Variants in GUCY2F observed in about 807,000 individuals in gnomAD.
GUCY2F encodes the protein retinal guanylyl cyclase 2.
GUCY2F carries 61 observed loss-of-function variants against 73.1 expected under a neutral mutation model. That is an observed-to-expected ratio of 0.83 (90% CI 0.68 to 1.03). GUCY2F has a LOEUF of 1.03. GUCY2F is among the 50% of genes least tolerant of loss of function. The pLI is 0.00. For missense variants in GUCY2F, 912 were observed against 854.3 expected, an observed-to-expected ratio of 1.07 and a Z score of -0.84; for synonymous variants, 331 against 307.8, an observed-to-expected ratio of 1.08 and a Z score of -0.79.
chrX:109,409,675 T>C (rs1331854216), intron 8 of GUCY2F, among the ~76,000 whole-genome samples: 1 of 111,292 alleles, frequency 9.0e-6, no homozygotes, highest in African/African-American at 3.3e-5. Flanking sequence ...AATTGAATCA[T>C]GGGGGCAGGT....
At chrX:109,451,517 T>C (rs996744871) in intron 5 of GUCY2F, among the ~76,000 whole-genome samples, 40 of 111,857 alleles carry the variant, frequency 3.6e-4, no homozygotes, top group African/African-American at 1.3e-3. Context: ...ATGAGTCACA[T>C]ATCGTTCTAG....
chrX:109,430,313 G>A lies in GUCY2F; in HGVS notation c.1785C>T (p.Phe595=), dbSNP rs1299126087. 16 of 1,030,229 alleles carry A rather than the reference G, an allele frequency of 1.6e-5. No homozygotes were observed. Among genetic ancestry groups the A allele is most frequent in the Middle Eastern group, 2.5e-4 (1 of 3,997 alleles). 84.9% of individuals were successfully genotyped at this position (1,030,229 alleles called of 1,213,427 possible). Reference sequence around the variant, plus strand: ...AAACGAAGATTTCTCATACCATTTCGAACACATCACTTGCTCTTGATTTGA... The same window carrying A: ...AAACGAAGATTTCTCATACCATTTCAAACACATCACTTGCTCTTGATTTGA... ...KSIKSRASDV[F]EMMKDLRHEN... is the part of the protein sequence containing the mutation. The change falls in exon 8 of 20, where the codon TTC becomes TTT. Residue 595 remains phenylalanine (F), a synonymous_variant. Transcript: ENST00000218006.
chrX:109,406,010 G>GC (rs1246465833), intron 9 of GUCY2F, among the ~76,000 whole-genome samples: 3 of 111,403 alleles, frequency 2.7e-5, no homozygotes, highest in Non-Finnish European at 5.6e-5. Flanking sequence ...CCCTTTCAAG[G>GC]CCCCTGAAAA....
In GUCY2F at chrX:109,393,146, A is replaced by G. The variant is rs370161001; in HGVS notation, c.2425-91T>C. 129 of 522,435 alleles carry G rather than the reference A, an allele frequency of 2.5e-4. 3 individuals are homozygous for G. Among genetic ancestry groups the G allele is most frequent in the East Asian group, 2.2e-3 (64 of 29,752 alleles). 43.1% of individuals were successfully genotyped at this position (522,435 alleles called of 1,213,427 possible). On this transcript the variant is annotated intron_variant, in intron 12 of 19. Coordinates refer to ENST00000218006, the MANE Select transcript of GUCY2F (RefSeq NM_001522.3). ...GGTCCCCTTATCACAAATCCATTCCACCAAAATGCCAGGGCAGGAAAGGTG... is the reference window on the plus strand; with the variant it reads ...GGTCCCCTTATCACAAATCCATTCCGCCAAAATGCCAGGGCAGGAAAGGTG...
chrX:109,385,245 G>A lies in GUCY2F; in HGVS notation c.2994C>T (p.Pro998=), dbSNP rs1257162869. The A allele has an allele frequency of 8.4e-7, 1 of 1,194,470 alleles. No individual in the cohort carries two copies. Among genetic ancestry groups the A allele is most frequent in the Non-Finnish European group, 1.1e-6 (1 of 881,285 alleles). The part of the protein sequence containing the change: ...VVAGVVGLTM[P]RYCLFGDTVN... Reference sequence around the variant, plus strand: ...CAGTGTCTCCAAACAAGCAGTATCTGGGCATGGTGAGGCCCACCACTCCAG... The same window carrying A: ...CAGTGTCTCCAAACAAGCAGTATCTAGGCATGGTGAGGCCCACCACTCCAG... Residue 998 remains proline (P), a synonymous_variant, in exon 16 of 20, where the codon CCC becomes CCT. Transcript: ENST00000218006.
intron 9 of GUCY2F, among the ~76,000 whole-genome samples, chrX:109,407,563 T>G (rs1931002820): frequency 8.9e-6 from 1 of 112,815 alleles, no homozygotes; most frequent in African/African-American, 3.2e-5. Flanking sequence ...CCAGGCCACA[T>G]CAGAGACCTT....
chrX:109,443,885 T>G (rs1284466210), intron 6 of GUCY2F, among the ~76,000 whole-genome samples: 1 of 112,542 alleles, frequency 8.9e-6, no homozygotes, highest in Non-Finnish European at 1.9e-5. Context: ...CATCTACTTT[T>G]ACTACTAAAC....
At chrX:109,469,453 T>C (rs1230930476) in intron 2 of GUCY2F, among the ~76,000 whole-genome samples, 1 of 110,710 alleles carries the variant, frequency 9.0e-6, no homozygotes, top group Non-Finnish European at 1.9e-5. Flanking sequence ...CCTTGCAAGA[T>C]GGAAATGATT....
chrX:109,480,353 G>C (rs1932757412), intron 1 of GUCY2F, among the ~76,000 whole-genome samples: 1 of 111,600 alleles, frequency 9.0e-6, no homozygotes, highest in African/African-American at 3.3e-5. Context: ...TCTCTCTTAA[G>C]GGCTGGGGAG....
chrX:109,424,160 C>T (rs1931431025), intron 8 of GUCY2F, among the ~76,000 whole-genome samples: 1 of 111,655 alleles, frequency 9.0e-6, no homozygotes, highest in African/African-American at 3.3e-5. Context: ...CCTTTAAAGC[C>T]ATAACTTACC....
At chrX:109,376,949 C>A (rs1014704450) in intron 17 of GUCY2F, among the ~76,000 whole-genome samples, 3 of 111,719 alleles carry the variant, frequency 2.7e-5, no homozygotes, top group African/African-American at 9.8e-5. Context: ...AATGTGTTTA[C>A]CAAGACTGAG....
intron 15 of GUCY2F, 52 bp from the exon 16 acceptor site, chrX:109,385,334 C>A: frequency 1.7e-6 from 1 of 602,654 alleles, no homozygotes; most frequent in Non-Finnish European, 2.7e-6. Flanking sequence ...GCACCCAATG[C>A]TAATAGAGGA....
intron 8 of GUCY2F, among the ~76,000 whole-genome samples, chrX:109,426,302 G>A (rs1273949454): frequency 8.9e-6 from 1 of 112,414 alleles, no homozygotes; most frequent in Non-Finnish European, 1.9e-5. Context: ...TGGAAGACCT[G>A]ATATAGTCAA....
intron 19 of GUCY2F, among the ~76,000 whole-genome samples, chrX:109,373,229 A>G (rs112308486): frequency 5.6e-4 from 63 of 112,398 alleles, no homozygotes; most frequent in African/African-American, 1.9e-3. Context: ...CAAAAAAGAG[A>G]GCATGTTAAT....
chrX:109,388,380 T>C lies in GUCY2F; in HGVS notation c.2956+109A>G, dbSNP rs998869747. 5 of 619,917 alleles carry C rather than the reference T, an allele frequency of 8.1e-6. No homozygotes were observed. The African/African-American group carries it at 9.0e-5, about 11-fold the overall frequency. The allele number at this position is 619,917 out of a possible 1,213,427, so 51.1% of individuals were successfully genotyped here. ...AAAGGAATTATGCAGCCCGGACACC[T>C]GGATAATCCGGTGGCCAGGAATCAG... is the stretch of plus-strand genomic sequence containing the variant. On this transcript the variant is annotated intron_variant, in intron 15 of 19. Coordinates refer to ENST00000218006, the MANE Select transcript of GUCY2F (RefSeq NM_001522.3).
Position 109,395,338 on chromosome X carries a change from T to A in GUCY2F, c.2424+3A>T. 2 of 1,205,065 alleles carry A rather than the reference T, an allele frequency of 1.7e-6. No homozygotes were observed. On this transcript the variant is annotated splice_donor_region_variant and intron_variant, in intron 12 of 19. Coordinates refer to ENST00000218006, the MANE Select transcript of GUCY2F (RefSeq NM_001522.3). ...GGGCAATGATAAGATTCAGAGTCCT[T>A]ACCTGGTTAAATATTTCATCAAAAG...
rs755144575 is a variant in GUCY2F, at chrX:109,475,709, C to T, written c.228G>A (p.Ala76=). Residue 76 remains alanine, a synonymous_variant, in exon 2 of 20, where the codon GCG becomes GCA. Transcript: ENST00000218006. The part of the protein sequence containing the change: ...LFSKALPEVA[A]RLAIERINRD... ...GGTTGATTCGCTCAATGGCTAATCGCGCAGCAACCTCAGGCAGGGCCTTTG... is the reference window on the plus strand; with the variant it reads ...GGTTGATTCGCTCAATGGCTAATCGTGCAGCAACCTCAGGCAGGGCCTTTG... The T allele has an allele frequency of 2.5e-6, 3 of 1,211,085 alleles. No homozygotes were observed. The highest frequency in any genetic ancestry group is 3.4e-6 in the Non-Finnish European group (3 of 895,134).
At chrX:109,442,914 A>C (rs1433125135) in intron 6 of GUCY2F, among the ~76,000 whole-genome samples, 1 of 112,170 alleles carries the variant, frequency 8.9e-6, no homozygotes, top group African/African-American at 3.2e-5. Flanking sequence ...GCAAAGGAGA[A>C]AGTGAGAGAA....
At chrX:109,450,065 G>C (rs1183501907) in intron 5 of GUCY2F, among the ~76,000 whole-genome samples, 2 of 111,242 alleles carry the variant, frequency 1.8e-5, no homozygotes, top group Admixed American at 1.9e-4. Context: ...GCAGCAAAGA[G>C]GGGGTATCTT....
Sources: allele counts gnomAD v4.1 joint callset (sites outside exome capture counted in the v4.1 genomes callset), GRCh38; gene constraint gnomAD v4.1.1; transcripts MANE v1.5; gene names NCBI Gene and HGNC (gene_info 2026-07-23, HGNC 2026-07-21).